ADCY5: variants seen among roughly 807,000 people sequenced by gnomAD.
The protein encoded by ADCY5 is adenylate cyclase type 5.
A neutral mutation model predicts 119.7 loss-of-function variants in ADCY5; 30 were observed. The ratio of observed to expected loss-of-function variants is 0.25; its 90% CI spans 0.19 to 0.34. The LOEUF is 0.34. Among genes scored for constraint, ADCY5 ranks in the 10% least tolerant of loss-of-function variants. The pLI, the probability that ADCY5 is intolerant of heterozygous loss-of-function variation, is 1.00. For missense variants in ADCY5, 1,324 were observed against 1,775.2 expected (o/e 0.75, Z 4.57); for synonymous variants, 753 against 762.2 (o/e 0.99, Z 0.20).
chr3:123,317,335 T>TC (rs1314392580), intron 11 of ADCY5, among the ~76,000 whole-genome samples: 1 of 151,616 alleles, frequency 6.6e-6, no homozygotes, highest in East Asian at 1.9e-4. Flanking sequence ...TTGAAGATTT[T>TC]TTTTTTTTTT....
At chr3:123,378,474 A>G (rs1359615196) in intron 1 of ADCY5, among the ~76,000 whole-genome samples, 1 of 152,176 alleles carries the variant, frequency 6.6e-6, no homozygotes, top group Admixed American at 6.5e-5. Context: ...TCCAGACATC[A>G]GCACGTCATC....
At chr3:123,422,017 C>G (rs1288733924) in intron 1 of ADCY5, among the ~76,000 whole-genome samples, 2 of 152,174 alleles carry the variant, frequency 1.3e-5, no homozygotes, top group East Asian at 3.9e-4. Context: ...AATCACATTA[C>G]CCGGTGTTTC....
rs749291727 is a variant in ADCY5, at chr3:123,447,454, G to T, written c.1092C>A (p.Ile364=). 3.7e-6 allele frequency: 6 copies of T among 1,608,168 alleles called. No individual in the cohort carries two copies. The highest frequency in any genetic ancestry group is 1.3e-5 in the African/African-American group (1 of 74,970). Residue 364 remains isoleucine, a synonymous_variant, in exon 1 of 21, where the codon ATC becomes ATA. Coordinates refer to ENST00000462833, the MANE Select transcript of ADCY5 (RefSeq NM_183357.3). ...GGTCCTGGGCGTTGGTGCGCAGGGCGATGGCCAGGTGGAGGGCGGACAGGA... is the reference window on the plus strand; with the variant it reads ...GGTCCTGGGCGTTGGTGCGCAGGGCTATGGCCAGGTGGAGGGCGGACAGGA... The part of the protein sequence containing the change: ...GVLLSALHLA[I]ALRTNAQDQF...
chr3:123,291,066 G>C, intron 18 of ADCY5, 47 bp downstream of exon 18: 1 of 1,571,936 alleles, frequency 6.4e-7, no homozygotes, highest in Non-Finnish European at 8.6e-7. Flanking sequence ...CCAGGGACTT[G>C]TAGGCCCCTC....
intron 3 of ADCY5, among the ~76,000 whole-genome samples, chr3:123,347,499 G>A (rs1942615525): frequency 6.6e-6 from 1 of 152,108 alleles, no homozygotes; most frequent in Non-Finnish European, 1.5e-5. Context: ...CCTCCCCAAA[G>A]CGGCTGGTGT....
At chr3:123,311,308 C>T (rs1040693777) in intron 12 of ADCY5, among the ~76,000 whole-genome samples, 3 of 152,240 alleles carry the variant, frequency 2.0e-5, no homozygotes, top group African/African-American at 7.2e-5. Flanking sequence ...TGTGACAGCA[C>T]CTGCAAAGGT....
chr3:123,365,383 C>G (rs1198861569), intron 1 of ADCY5, among the ~76,000 whole-genome samples: 1 of 152,080 alleles, frequency 6.6e-6, no homozygotes, highest in Non-Finnish European at 1.5e-5. Flanking sequence ...GGAAAGGAGG[C>G]AGTGAAGAGG....
chr3:123,320,474 G>A (rs1211770945), intron 9 of ADCY5, among the ~76,000 whole-genome samples: 1 of 152,260 alleles, frequency 6.6e-6, no homozygotes, highest in Non-Finnish European at 1.5e-5. Context: ...TCCTGAGGGA[G>A]CCATGTGTGC....
chr3:123,422,338 C>T (rs1044768065), intron 1 of ADCY5, among the ~76,000 whole-genome samples: 1 of 152,164 alleles, frequency 6.6e-6, no homozygotes, highest in African/African-American at 2.4e-5. Context: ...TACCTCCTCT[C>T]GGGCTGCCCA....
At chr3:123,416,109 G>A (rs2107631271) in intron 1 of ADCY5, 2 of 1,504,614 alleles carry the variant, frequency 1.3e-6, no homozygotes, top group East Asian at 2.5e-5. Context: ...CAAGAAGGTG[G>A]AAGGGCAAAG....
At chr3:123,308,855 C>CA (rs1011404621) in intron 12 of ADCY5, among the ~76,000 whole-genome samples, 3 of 87,732 alleles carry the variant, frequency 3.4e-5, no homozygotes, top group African/African-American at 1.4e-4. Context: ...AAAGAAAAAA[C>CA]AAAAAAACTA....
At chr3:123,325,706 G>A (rs1941455167) in intron 7 of ADCY5, among the ~76,000 whole-genome samples, 1 of 152,234 alleles carries the variant, frequency 6.6e-6, no homozygotes. Flanking sequence ...GATGATGAGA[G>A]TTGGTCTTGT....
At chr3:123,413,321 A>G (rs1945103902) in intron 1 of ADCY5, among the ~76,000 whole-genome samples, 1 of 152,222 alleles carries the variant, frequency 6.6e-6, no homozygotes, top group Non-Finnish European at 1.5e-5. Context: ...GTCCCTGACC[A>G]GAGAGATGGC....
intron 1 of ADCY5, among the ~76,000 whole-genome samples, chr3:123,394,162 T>C (rs1167156107): frequency 6.6e-6 from 1 of 152,188 alleles, no homozygotes; most frequent in Non-Finnish European, 1.5e-5. Flanking sequence ...TTTAAATTTG[T>C]TTTTCTAACT....
At chr3:123,396,807 C>CGAGAGAGAGAGAGAG (rs1467896552) in intron 1 of ADCY5, among the ~76,000 whole-genome samples, 1 of 84,590 alleles carries the variant, frequency 1.2e-5, no homozygotes, top group African/African-American at 4.6e-5. Flanking sequence ...GGCAGGCAGG[C>CGAGAGAGAGAGAGAG]AGGCAGGCAG....
At chr3:123,436,349 C>A (rs530401418) in intron 1 of ADCY5, among the ~76,000 whole-genome samples, 1 of 151,254 alleles carries the variant, frequency 6.6e-6, no homozygotes, top group Non-Finnish European at 1.5e-5. Context: ...CTCTAGCCTG[C>A]GCAACAGAGT....
intron 12 of ADCY5, among the ~76,000 whole-genome samples, chr3:123,311,791 G>A (rs1043627381): frequency 1.3e-5 from 2 of 152,134 alleles, no homozygotes; most frequent in African/African-American, 4.8e-5. Flanking sequence ...GTGTGGGACT[G>A]GGGGGACAGT....
chr3:123,419,403 C>T (rs1025259173), intron 1 of ADCY5, among the ~76,000 whole-genome samples: 10 of 152,192 alleles, frequency 6.6e-5, no homozygotes, highest in African/African-American at 1.2e-4. Flanking sequence ...CTCCCTTCAC[C>T]GTTTCCTTCC....
intron 1 of ADCY5, among the ~76,000 whole-genome samples, chr3:123,356,812 C>G (rs1022904873): frequency 6.6e-6 from 1 of 152,126 alleles, no homozygotes; most frequent in African/African-American, 2.4e-5. Context: ...GTTAAATATG[C>G]ACTTGCCCTA....
Sources: gnomAD v4.1 joint callset for allele counts (sites outside exome capture counted in the v4.1 genomes callset) on GRCh38, gnomAD v4.1.1 for gene constraint, MANE v1.5 for transcripts, NCBI Gene and HGNC (gene_info 2026-07-23, HGNC 2026-07-21) for gene names.